SEMA6D: variants seen among roughly 807,000 people sequenced by gnomAD.
SEMA6D encodes the protein semaphorin 6D.
Under a neutral mutation model 106.6 loss-of-function variants are expected in SEMA6D, and 35 were observed. The observed-to-expected ratio is 0.33, with a 90% CI of 0.25 to 0.44. The LOEUF is 0.44. Among genes scored for constraint, SEMA6D ranks in the 20% least tolerant of loss-of-function variants. The pLI, the probability that SEMA6D is intolerant of heterozygous loss-of-function variation, is 1.00. For synonymous variants in SEMA6D, 499 were observed against 487.7 expected, an observed-to-expected ratio of 1.02 and a Z score of -0.31; for missense variants, 1,185 against 1,345.9, an observed-to-expected ratio of 0.88 and a Z score of 1.87.
chr15:47,511,901 T>G (rs1244326408), intron 3 of SEMA6D, among the ~76,000 whole-genome samples: 2 of 152,182 alleles, frequency 1.3e-5, no homozygotes, highest in Non-Finnish European at 2.9e-5. Context: ...TTTAGGATTT[T>G]GCCACCTCTC....
At chr15:47,310,354 G>A (rs2036401076) in intron 1 of SEMA6D, among the ~76,000 whole-genome samples, 1 of 152,190 alleles carries the variant, frequency 6.6e-6, no homozygotes, top group Admixed American at 6.5e-5. Context: ...TAATGGGAAA[G>A]ATGTTAGATT....
intron 1 of SEMA6D, among the ~76,000 whole-genome samples, chr15:47,744,383 G>A (rs974145275): frequency 2.0e-5 from 3 of 152,186 alleles, no homozygotes; most frequent in African/African-American, 7.2e-5. Context: ...AATGCAGAGA[G>A]AGGCTAAGAA....
chr15:47,604,620 A>C (rs1049514438), intron 4 of SEMA6D, among the ~76,000 whole-genome samples: 1 of 152,208 alleles, frequency 6.6e-6, no homozygotes, highest in Non-Finnish European at 1.5e-5. Flanking sequence ...TTGTGTTTGA[A>C]ATTCAGAGAG....
At chr15:47,365,890 G>GAGAGAGAGAGAGA (rs1346586280) in intron 1 of SEMA6D, among the ~76,000 whole-genome samples, 3 of 119,742 alleles carry the variant, frequency 2.5e-5, no homozygotes, top group African/African-American at 3.7e-5. Context: ...GAGAGAGAGA[G>GAGAGAGAGAGAGA]GAGAGAGAGA....
At chr15:47,766,782 C>A in intron 16 of SEMA6D, 105 bp downstream of exon 16, 2 of 776,434 alleles carry the variant, frequency 2.6e-6, no homozygotes, top group East Asian at 2.7e-5. Context: ...ACACATACCA[C>A]CTAGCATTTA....
chr15:47,742,179 G>T (rs2080860891), intron 1 of SEMA6D, among the ~76,000 whole-genome samples: 1 of 152,182 alleles, frequency 6.6e-6, no homozygotes, highest in African/African-American at 2.4e-5. Flanking sequence ...GTACACCAGG[G>T]TGATGCAAAC....
intron 4 of SEMA6D, among the ~76,000 whole-genome samples, chr15:47,669,848 T>G (rs1434010733): frequency 6.6e-6 from 1 of 152,218 alleles, no homozygotes; most frequent in African/African-American, 2.4e-5. Flanking sequence ...AGCTGAAGTC[T>G]AACGCTTAGC....
At chr15:47,361,989 A>G (rs1000280121) in intron 1 of SEMA6D, among the ~76,000 whole-genome samples, 1 of 152,238 alleles carries the variant, frequency 6.6e-6, no homozygotes, top group African/African-American at 2.4e-5. Context: ...TAAAACAAAA[A>G]TGAGCTTGTT....
At position 47,222,243 on chromosome 15, in the gene SEMA6D, A is replaced by G. The variant is rs559988084; in HGVS notation, c.-239+37825A>G. 1.3e-4 allele frequency among the ~76,000 whole-genome samples: 20 copies of G among 152,326 alleles called. No homozygotes were observed. In the South Asian group the frequency reaches 4.1e-3, roughly 32 times the overall value. ...AGACATCCTACAGAAATGACCCATC[A>G]TATGAGATGTCCAGAAATGGAGCAA... On this transcript the variant is annotated intron_variant, in intron 1 of 19. Coordinates refer to the SEMA6D transcript ENST00000558014.
intron 4 of SEMA6D, among the ~76,000 whole-genome samples, chr15:47,687,604 T>C (rs979706300): frequency 6.6e-6 from 1 of 152,162 alleles, no homozygotes; most frequent in African/African-American, 2.4e-5. Context: ...GGAAGCCCAC[T>C]GAGCAGTTCA....
At chr15:47,469,237 C>G (rs1459371375) in intron 2 of SEMA6D, among the ~76,000 whole-genome samples, 1 of 151,966 alleles carries the variant, frequency 6.6e-6, no homozygotes, top group Non-Finnish European at 1.5e-5. Context: ...CAGTGCACCC[C>G]CTTATTGCCC....
intron 1 of SEMA6D, among the ~76,000 whole-genome samples, chr15:47,278,599 C>G (rs1175807710): frequency 6.6e-6 from 1 of 152,132 alleles, no homozygotes; most frequent in East Asian, 1.9e-4. Flanking sequence ...TTTTGCTGTG[C>G]AGAGGCTCTT....
At chr15:47,279,516 A>C (rs2142465096) in intron 1 of SEMA6D, among the ~76,000 whole-genome samples, 2 of 148,752 alleles carry the variant, frequency 1.3e-5, no homozygotes, top group South Asian at 4.4e-4. Flanking sequence ...AATACCCTTT[A>C]TTTCCTTCTC....
rs945710233 is a variant in SEMA6D at position 47,694,185 on chromosome 15, A to G, written c.-54-65560A>G. Among the ~76,000 whole-genome samples, 5 of 152,154 alleles carry G rather than the reference A, an allele frequency of 3.3e-5. No individual in the cohort carries two copies. The East Asian group carries it at 7.7e-4, about 23-fold the overall frequency. On this transcript the variant is annotated intron_variant, in intron 4 of 19. Coordinates refer to the SEMA6D transcript ENST00000558014. ...CTCTTGGGGCAGAGTCTAAGAATCAATGTTTTAACAAGCCCTCAAAACAAT... is the reference window on the plus strand; with the variant it reads ...CTCTTGGGGCAGAGTCTAAGAATCAGTGTTTTAACAAGCCCTCAAAACAAT...
chr15:47,745,498 C>T lies in SEMA6D; in HGVS notation c.-54-14247C>T, dbSNP rs183021660. ...TGTCAGCCTCCATCCCTGACAGCAG[C>T]AAGGGCTGAGTTTGCTTAATACCCT... is the stretch of plus-strand genomic sequence containing the variant. On this transcript the variant is annotated intron_variant, in intron 1 of 18. Coordinates refer to ENST00000536845, the MANE Select transcript of SEMA6D (RefSeq NM_001358351.3). 7.5e-4 allele frequency among the ~76,000 whole-genome samples: 115 copies of T among 152,372 alleles called. 1 individual carries two copies. The highest frequency in any genetic ancestry group is 4.0e-4 in the Non-Finnish European group (27 of 68,036).
intron 4 of SEMA6D, among the ~76,000 whole-genome samples, chr15:47,685,420 A>G (rs1329249636): frequency 6.6e-6 from 1 of 152,214 alleles, no homozygotes; most frequent in African/African-American, 2.4e-5. Flanking sequence ...CTTTCTAGCA[A>G]ACAGAGTTGA....
chr15:47,280,273 G>A (rs1358628997), intron 1 of SEMA6D, among the ~76,000 whole-genome samples: 1 of 151,958 alleles, frequency 6.6e-6, no homozygotes, highest in Non-Finnish European at 1.5e-5. Flanking sequence ...TATGTGTAGA[G>A]GAATTTATCC....
At chr15:47,431,097 T>A (rs934174862) in intron 2 of SEMA6D, among the ~76,000 whole-genome samples, 1 of 152,074 alleles carries the variant, frequency 6.6e-6, no homozygotes, top group Non-Finnish European at 1.5e-5. Flanking sequence ...TTGAAATAAA[T>A]TTTTACTTTT....
intron 2 of SEMA6D, among the ~76,000 whole-genome samples, chr15:47,466,853 A>C (rs1349293569): frequency 6.8e-6 from 1 of 147,942 alleles, no homozygotes; most frequent in African/African-American, 2.5e-5. Context: ...CAGCCTCCCT[A>C]GTAGCTGGGA....
Sources: gnomAD v4.1 joint callset for allele counts (sites outside exome capture counted in the v4.1 genomes callset) on GRCh38, gnomAD v4.1.1 for gene constraint, MANE v1.5 for transcripts, NCBI Gene and HGNC (gene_info 2026-07-23, HGNC 2026-07-21) for gene names.